Variants in DPP6 observed in about 807,000 individuals in gnomAD.
DPP6 encodes the protein A-type potassium channel modulatory protein DPP6.
Under a neutral mutation model 122.6 loss-of-function variants are expected in DPP6, and 69 were observed. The ratio of observed to expected loss-of-function variants is 0.56; its 90% CI spans 0.46 to 0.69. The LOEUF (loss-of-function observed/expected upper bound fraction) is 0.69. Among genes scored for constraint, DPP6 ranks in the 30% least tolerant of loss-of-function variants. DPP6 has a pLI of 0.00. For missense variants in DPP6, 928 were observed against 1,116.9 expected, an observed-to-expected ratio of 0.83 and a Z score of 2.41; for synonymous variants, 418 against 433.1, an observed-to-expected ratio of 0.97 and a Z score of 0.43.
rs185002396 is a variant in DPP6, at chr7:154,892,611, C to G, written c.*131C>G. 2 of 1,524,008 alleles carry G rather than the reference C, an allele frequency of 1.3e-6. No individual in the cohort carries two copies. The highest frequency in any genetic ancestry group is 1.8e-6 in the Non-Finnish European group (2 of 1,133,550). The allele number at this position is 1,524,008 out of a possible 1,614,324, so 94.4% of individuals were successfully genotyped here. A position where few individuals can be genotyped will look rare whatever the true frequency, so the allele number is the denominator to read the frequency against. ...CGGGTGTTCCATAGCATGTGTGTCTCGGATGCGGAAGGCAGTTTTGCTTGG... is the reference window on the plus strand; with the variant it reads ...CGGGTGTTCCATAGCATGTGTGTCTGGGATGCGGAAGGCAGTTTTGCTTGG... On this transcript the variant is annotated 3_prime_UTR_variant, in exon 26 of 26. Coordinates refer to ENST00000377770, the MANE Select transcript of DPP6 (RefSeq NM_130797.4).
chr7:154,107,463 C>A (rs186842240), intron 1 of DPP6, among the ~76,000 whole-genome samples: 158 of 152,192 alleles, frequency 1.0e-3, no homozygotes, highest in African/African-American at 3.5e-3. Context: ...TATAAAATTT[C>A]ATTGGACAGG....
intron 1 of DPP6, among the ~76,000 whole-genome samples, chr7:154,301,375 A>C (rs539283060): frequency 2.0e-5 from 3 of 152,178 alleles, no homozygotes; most frequent in Admixed American, 6.5e-5. Context: ...CCCCTGCTAG[A>C]TTCATCCTCA....
chr7:154,590,722 C>CG (rs1832763970), intron 5 of DPP6, among the ~76,000 whole-genome samples: 2 of 150,562 alleles, frequency 1.3e-5, no homozygotes, highest in Non-Finnish European at 2.9e-5. Context: ...TTAGTAGAGA[C>CG]GGGGTTTCTC....
intron 1 of DPP6, among the ~76,000 whole-genome samples, chr7:154,221,433 A>G (rs535622553): frequency 7.9e-5 from 12 of 152,056 alleles, no homozygotes; most frequent in Admixed American, 6.6e-4. Context: ...GAGCCACTGC[A>G]CCCAGCCTAC....
At chr7:154,797,536 G>C (rs1185416595) in intron 12 of DPP6, among the ~76,000 whole-genome samples, 2 of 152,116 alleles carry the variant, frequency 1.3e-5, no homozygotes, top group African/African-American at 4.8e-5. Context: ...TCTAATAACA[G>C]ATACAAAAGG....
chr7:153,998,072 G>A (rs1251497494), intron 1 of DPP6, among the ~76,000 whole-genome samples: 1 of 151,354 alleles, frequency 6.6e-6, no homozygotes, highest in African/African-American at 2.5e-5. Flanking sequence ...CCGAGTCACC[G>A]ACTGTGAGAA....
chr7:154,878,312 A>G (rs998704426), intron 20 of DPP6, among the ~76,000 whole-genome samples: 1 of 152,240 alleles, frequency 6.6e-6, no homozygotes, highest in African/African-American at 2.4e-5. Flanking sequence ...AATGGGCCCA[A>G]CCATCTGTTC....
intron 1 of DPP6, among the ~76,000 whole-genome samples, chr7:153,953,916 A>G (rs1022519168): frequency 2.4e-4 from 37 of 152,304 alleles, no homozygotes; most frequent in Admixed American, 1.2e-3. Flanking sequence ...GCAGGAGGGA[A>G]ATGCAGGCAG....
At chr7:154,633,472 GT>G (rs1464564362) in intron 5 of DPP6, among the ~76,000 whole-genome samples, 2 of 152,128 alleles carry the variant, frequency 1.3e-5, no homozygotes, top group Non-Finnish European at 2.9e-5. Flanking sequence ...CTGACCTCAG[GT>G]GATCCACCCG....
chr7:154,594,822 G>T (rs1323467055), intron 5 of DPP6, among the ~76,000 whole-genome samples: 1 of 152,148 alleles, frequency 6.6e-6, no homozygotes, highest in Non-Finnish European at 1.5e-5. Flanking sequence ...ATCTGACCTA[G>T]ACCAGACCCA....
chr7:153,873,461 C>G, the DPP6 span, among the ~76,000 whole-genome samples: 2 of 152,142 alleles, frequency 1.3e-5, 1 homozygote, highest in South Asian at 4.1e-4. Flanking sequence ...GACAATAATT[C>G]TACCCTTATA....
intron 7 of DPP6, among the ~76,000 whole-genome samples, chr7:154,674,311 G>T (rs1050121592): frequency 6.6e-6 from 1 of 152,198 alleles, no homozygotes; most frequent in Admixed American, 6.5e-5. Context: ...CATATTTCCT[G>T]ATATGGTATT....
At chr7:154,594,407 C>T (rs1832970464) in intron 5 of DPP6, among the ~76,000 whole-genome samples, 1 of 152,026 alleles carries the variant, frequency 6.6e-6, no homozygotes, top group Admixed American at 6.6e-5. Context: ...AGTTTCTTGC[C>T]CCATTGTGCA....
intron 1 of DPP6, among the ~76,000 whole-genome samples, chr7:154,063,599 A>AGG (rs367840068): frequency 1.8e-3 from 110 of 62,236 alleles, no homozygotes; most frequent in African/African-American, 7.2e-3. Context: ...CCCCCATCGC[A>AGG]GTGAGGGAGG....
intron 1 of DPP6, among the ~76,000 whole-genome samples, chr7:154,198,281 G>A (rs1798973710): frequency 6.6e-6 from 1 of 151,424 alleles, no homozygotes; most frequent in Admixed American, 6.6e-5. Context: ...GGACAAAGGG[G>A]CCCTCAGTGT....
intron 1 of DPP6, among the ~76,000 whole-genome samples, chr7:154,218,286 TACA>T (rs1003389466): frequency 9.2e-5 from 14 of 152,142 alleles, no homozygotes; most frequent in Admixed American, 6.5e-4. Flanking sequence ...CACCCAGCCT[TACA>T]ACAAGTCCTG....
chr7:154,300,605 G>C (rs1805840282), intron 1 of DPP6, among the ~76,000 whole-genome samples: 1 of 152,188 alleles, frequency 6.6e-6, no homozygotes, highest in Admixed American at 6.5e-5. Context: ...AAGCACTTTG[G>C]AGGGGTCTGA....
At chr7:154,588,241 A>G in intron 5 of DPP6, 2 of 1,301,744 alleles carry the variant, frequency 1.5e-6, no homozygotes, top group Middle Eastern at 2.8e-4. Context: ...GGGACCCTCC[A>G]CTGGTTCAAA....
chr7:154,311,172 T>C (rs1806844094), intron 1 of DPP6, among the ~76,000 whole-genome samples: 1 of 152,164 alleles, frequency 6.6e-6, no homozygotes. Context: ...GGTTACCCCA[T>C]AGCCTTAAAT....
Sources: gnomAD v4.1 joint callset for allele counts (sites outside exome capture counted in the v4.1 genomes callset) on GRCh38, gnomAD v4.1.1 for gene constraint, MANE v1.5 for transcripts, NCBI Gene and HGNC (gene_info 2026-07-23, HGNC 2026-07-21) for gene names.